Variants in PRDM6 observed in about 807,000 individuals in gnomAD.
PRDM6 encodes the protein PR/SET domain 6, also known as putative histone-lysine N-methyltransferase PRDM6.
In PRDM6, 25 loss-of-function variants were observed where a neutral mutation model predicts 60.8. The ratio of observed to expected loss-of-function variants is 0.41; its 90% CI spans 0.30 to 0.57. The LOEUF (loss-of-function observed/expected upper bound fraction) is 0.57. Among genes scored for constraint, PRDM6 ranks in the 20% least tolerant of loss-of-function variants. PRDM6 has a pLI of 0.27. For missense variants in PRDM6, 839 were observed against 821.3 expected (o/e 1.02, Z -0.26); for synonymous variants, 407 against 357.4 (o/e 1.14, Z -1.57).
chr5:123,102,333 G>T (rs1764121729), intron 3 of PRDM6, among the ~76,000 whole-genome samples: 1 of 151,948 alleles, frequency 6.6e-6, no homozygotes, highest in African/African-American at 2.4e-5. Flanking sequence ...AAATTTTTAA[G>T]CATTATGATT....
At chr5:123,132,812 A>G (rs1764861735) in intron 3 of PRDM6, among the ~76,000 whole-genome samples, 1 of 152,112 alleles carries the variant, frequency 6.6e-6, no homozygotes, top group South Asian at 2.1e-4. Context: ...TGTTTTAATT[A>G]TTTAAAAAAT....
intron 3 of PRDM6, among the ~76,000 whole-genome samples, chr5:123,123,870 GAAAT>G (rs147567804): frequency 0.017 from 2,561 of 152,312 alleles, 23 homozygotes; most frequent in Non-Finnish European, 0.028. Context: ...AACTGAAAGA[GAAAT>G]AACATGGAGA....
intron 3 of PRDM6, among the ~76,000 whole-genome samples, chr5:123,120,548 A>G (rs1481429208): frequency 6.6e-6 from 1 of 152,142 alleles, no homozygotes; most frequent in African/African-American, 2.4e-5. Context: ...AAATTCAAAA[A>G]TTACAGGAAA....
chr5:123,181,239 A>G (rs372921621), intron 7 of PRDM6, among the ~76,000 whole-genome samples: 1 of 152,250 alleles, frequency 6.6e-6, no homozygotes, highest in East Asian at 1.9e-4. Context: ...TCCATCTTTG[A>G]AAACCTCATA....
intron 3 of PRDM6, among the ~76,000 whole-genome samples, chr5:123,143,333 G>C (rs1223500423): frequency 6.6e-6 from 1 of 152,104 alleles, no homozygotes. Flanking sequence ...CGACGTAAGA[G>C]ATTTCATCCA....
intron 3 of PRDM6, among the ~76,000 whole-genome samples, chr5:123,112,968 A>G (rs1377390960): frequency 1.3e-5 from 2 of 152,132 alleles, no homozygotes; most frequent in Non-Finnish European, 2.9e-5. Flanking sequence ...ATTGTTAAAC[A>G]TTAGCTAAAA....
intron 2 of PRDM6, among the ~76,000 whole-genome samples, chr5:123,091,338 G>A (rs1347382033): frequency 6.6e-6 from 1 of 152,204 alleles, no homozygotes; most frequent in Non-Finnish European, 1.5e-5. Flanking sequence ...CTTTGACCCC[G>A]CAAACATTCA....
chr5:123,100,995 T>C (rs1306728802), intron 3 of PRDM6, among the ~76,000 whole-genome samples: 1 of 152,212 alleles, frequency 6.6e-6, no homozygotes, highest in African/African-American at 2.4e-5. Context: ...GTTTCTTAAA[T>C]GCCAGGGGTC....
intron 6 of PRDM6, among the ~76,000 whole-genome samples, chr5:123,174,267 A>G (rs1376181617): frequency 6.6e-6 from 1 of 152,252 alleles, no homozygotes; most frequent in Non-Finnish European, 1.5e-5. Context: ...CAACCTGTAT[A>G]CGTATATTCT....
intron 7 of PRDM6, among the ~76,000 whole-genome samples, chr5:123,182,281 C>T (rs533488173): frequency 6.6e-6 from 1 of 152,304 alleles, no homozygotes; most frequent in East Asian, 1.9e-4. Flanking sequence ...GGCTTCACTG[C>T]TCTGGAGGAG....
At chr5:123,103,652 A>T (rs896758460) in intron 3 of PRDM6, among the ~76,000 whole-genome samples, 1 of 152,042 alleles carries the variant, frequency 6.6e-6, no homozygotes, top group African/African-American at 2.4e-5. Flanking sequence ...CTTGAGATAA[A>T]TTAATCTAGT....
chr5:123,090,650 C>G lies in PRDM6; in HGVS notation c.592+44C>G, dbSNP rs1316052227. On this transcript the variant is annotated intron_variant, in intron 2 of 7. Coordinates refer to ENST00000407847, the MANE Select transcript of PRDM6 (RefSeq NM_001136239.4). ...CGCGCTCTCTCCCGGGGCGCCGGCG[C>G]CGGCGCCGGCGGGCGCGGGTGCCTG... 33 of 1,252,478 alleles carry G rather than the reference C, an allele frequency of 2.6e-5. No homozygotes were observed. In the East Asian group the frequency reaches 1.3e-3, roughly 50 times the overall value. The allele number at this position is 1,252,478 out of a possible 1,614,324, so 77.6% of individuals were successfully genotyped here.
rs993004405 is a variant in PRDM6, at chr5:123,090,171, C to A, written c.157C>A (p.Pro53Thr). The A allele has an allele frequency of 1.8e-4, 269 of 1,490,918 alleles. No individual in the cohort carries two copies. In the East Asian group the frequency reaches 6.4e-3, roughly 36 times the overall value. The allele number at this position is 1,490,918 out of a possible 1,614,324, so 92.4% of individuals were successfully genotyped here. A position where few individuals can be genotyped will look rare whatever the true frequency, so the allele number is the denominator to read the frequency against. The change falls in exon 2 of 8, where the codon CCG becomes ACG. Residue 53 changes from proline to threonine, a missense_variant. Transcript: ENST00000407847. ...LLSAPQPLQP[P>T]PPPPPPERAE... ...GAGCGCGCCGCAGCCTCTTCAGCCGCCGCCGCCGCCCCCGCCCCCGGAGCG... is the reference window on the plus strand; with the variant it reads ...GAGCGCGCCGCAGCCTCTTCAGCCGACGCCGCCGCCCCCGCCCCCGGAGCG...
chr5:123,164,900 T>C (rs1263967190), intron 5 of PRDM6, among the ~76,000 whole-genome samples: 1 of 152,118 alleles, frequency 6.6e-6, no homozygotes, highest in Non-Finnish European at 1.5e-5. Context: ...CAGTAGCCCA[T>C]GACCAATGAC....
intron 3 of PRDM6, among the ~76,000 whole-genome samples, chr5:123,115,550 A>C (rs1451988647): frequency 6.6e-6 from 1 of 152,248 alleles, no homozygotes; most frequent in East Asian, 1.9e-4. Flanking sequence ...GAAAATATTT[A>C]TAAAATGGAA....
At position 123,192,146 on chromosome 5, in the gene PRDM6, G is replaced by A. The variant is rs1250071771; in HGVS notation, c.*4945G>A. On this transcript the variant is annotated 3_prime_UTR_variant, in exon 8 of 8. Transcript: ENST00000407847. ...AGGACATTCTGCGCTTATTCCCACA[G>A]AGGTTGATGGGAATGATGATGATTA... 6.6e-6 allele frequency: 1 copy of A among 152,208 alleles called. No homozygotes were observed. Among genetic ancestry groups the A allele is most frequent in the African/African-American group, 2.4e-5 (1 of 41,456 alleles). 9.4% of individuals were successfully genotyped at this position (152,208 alleles called of 1,614,324 possible). A position where few individuals can be genotyped will look rare whatever the true frequency, so the allele number is the denominator to read the frequency against.
intron 3 of PRDM6, among the ~76,000 whole-genome samples, chr5:123,146,206 G>T (rs1361456576): frequency 6.6e-6 from 1 of 152,156 alleles, no homozygotes; most frequent in Non-Finnish European, 1.5e-5. Flanking sequence ...AGTAACTGAG[G>T]TATAGTCAGG....
chr5:123,132,717 C>T (rs1384340091), intron 3 of PRDM6, among the ~76,000 whole-genome samples: 1 of 142,192 alleles, frequency 7.0e-6, no homozygotes, highest in Non-Finnish European at 1.6e-5. Flanking sequence ...TGTGTATATG[C>T]AGGTCAATAT....
intron 3 of PRDM6, among the ~76,000 whole-genome samples, chr5:123,105,020 A>T (rs1027780942): frequency 2.0e-5 from 3 of 152,222 alleles, no homozygotes; most frequent in African/African-American, 4.8e-5. Context: ...ACATTCTCAC[A>T]TCAGTGAGGT....
Sources: allele counts gnomAD v4.1 joint callset (sites outside exome capture counted in the v4.1 genomes callset), GRCh38; gene constraint gnomAD v4.1.1; transcripts MANE v1.5; gene names NCBI Gene and HGNC (gene_info 2026-07-23, HGNC 2026-07-21).